The following TTC21B variants were observed in gnomAD, a reference collection of about 807,000 sequenced individuals.
The protein encoded by TTC21B is tetratricopeptide repeat protein 21B.
A neutral mutation model predicts 175.1 loss-of-function variants in TTC21B; 127 were observed. The ratio of observed to expected loss-of-function variants is 0.73; its 90% CI spans 0.63 to 0.84. The LOEUF is 0.84. Ranked by LOEUF, TTC21B falls within the 40% of genes least tolerant of loss-of-function variation. The probability of loss-of-function intolerance (pLI) is 0.00; values close to 1 mark genes in which losing one functional copy is unlikely to be tolerated. For missense variants in TTC21B, 1,561 were observed against 1,558.3 expected (o/e 1.00, Z -0.03); for synonymous variants, 524 against 524.5 (o/e 1.00, Z 0.01).
intron 19 of TTC21B, among the ~76,000 whole-genome samples, chr2:165,906,254 TAAAAAAAAAA>T (rs1163343694): frequency 2.7e-4 from 12 of 45,280 alleles, no homozygotes; most frequent in Admixed American, 2.1e-3. Context: ...TTCAAGAGGC[TAAAAAAAAAA>T]AAAAAAAAAA....
At chr2:165,874,911 G>A (rs1684615834) in intron 28 of TTC21B, 79 bp from the exon 29 acceptor site, 7 of 1,243,218 alleles carry the variant, frequency 5.6e-6, no homozygotes, top group Non-Finnish European at 8.2e-6. Flanking sequence ...TATAAGAAAT[G>A]AGCATTACAG....
intron 17 of TTC21B, among the ~76,000 whole-genome samples, chr2:165,911,999 A>C (rs1685968694): frequency 6.6e-6 from 1 of 152,124 alleles, no homozygotes; most frequent in African/African-American, 2.4e-5. Flanking sequence ...GTAGATAAAG[A>C]ACGGTACTTG....
intron 5 of TTC21B, among the ~76,000 whole-genome samples, chr2:165,942,707 T>C (rs1295216666): frequency 5.3e-5 from 8 of 152,194 alleles, no homozygotes; most frequent in Non-Finnish European, 7.3e-5. Flanking sequence ...CTCACCTCCA[T>C]AAATGTGTTT....
chr2:165,922,670 T>C (rs1686459405), intron 12 of TTC21B, among the ~76,000 whole-genome samples: 2 of 151,042 alleles, frequency 1.3e-5, no homozygotes, highest in Admixed American at 6.6e-5. Context: ...TGGAAAATAG[T>C]ATGAAGATTT....
chr2:165,953,372 C>T (rs1687819272), intron 1 of TTC21B, among the ~76,000 whole-genome samples: 1 of 152,214 alleles, frequency 6.6e-6, no homozygotes, highest in African/African-American at 2.4e-5. Flanking sequence ...CCCGGAGGCG[C>T]AGTGTCATAG....
At chr2:165,923,133 C>T (rs1376034194) in intron 12 of TTC21B, among the ~76,000 whole-genome samples, 2 of 152,036 alleles carry the variant, frequency 1.3e-5, no homozygotes, top group Non-Finnish European at 2.9e-5. Flanking sequence ...ATATTGGGTA[C>T]AATGCACACT....
At chr2:165,944,195 T>A (rs1687470526) in intron 4 of TTC21B, among the ~76,000 whole-genome samples, 1 of 152,168 alleles carries the variant, frequency 6.6e-6, no homozygotes, top group South Asian at 2.1e-4. Context: ...GAAAACCTCT[T>A]CTAAATTTTT....
chr2:165,929,041 C>T (rs369925315), intron 11 of TTC21B, 94 bp downstream of exon 11: 6 of 1,101,256 alleles, frequency 5.4e-6, no homozygotes, highest in East Asian at 5.0e-5. Flanking sequence ...TTTTAAGATG[C>T]CGATATAGTC....
chr2:165,902,926 G>A (rs1302892290), intron 19 of TTC21B, among the ~76,000 whole-genome samples: 1 of 152,100 alleles, frequency 6.6e-6, no homozygotes, highest in Non-Finnish European at 1.5e-5. Context: ...AAAGACCCTG[G>A]GGCCCATCCC....
chr2:165,931,972 T>C, intron 7 of TTC21B, 116 bp from the exon 8 acceptor site: 1 of 717,992 alleles, frequency 1.4e-6, no homozygotes, highest in South Asian at 1.6e-5. Flanking sequence ...ACCTTTGCTT[T>C]TATAAATTCC....
At chr2:165,901,349 C>T (rs35086610) in intron 20 of TTC21B, among the ~76,000 whole-genome samples, 10,795 of 151,772 alleles carry the variant, frequency 0.071, 492 homozygotes, top group Middle Eastern at 0.2. Context: ...GATGGAGTCC[C>T]GCTCTGTTGC....
At chr2:165,877,118 T>C (rs1156704867) in intron 27 of TTC21B, among the ~76,000 whole-genome samples, 4 of 152,134 alleles carry the variant, frequency 2.6e-5, no homozygotes, top group Non-Finnish European at 5.9e-5. Context: ...ACAAGAAAAG[T>C]AACAGCAGCT....
intron 27 of TTC21B, among the ~76,000 whole-genome samples, chr2:165,879,057 G>T (rs1368074239): frequency 6.6e-6 from 1 of 152,114 alleles, no homozygotes; most frequent in East Asian, 1.9e-4. Context: ...CACATTGAGG[G>T]TGTTAGATGC....
intron 11 of TTC21B, among the ~76,000 whole-genome samples, chr2:165,926,021 A>G (rs1686615273): frequency 6.6e-6 from 1 of 152,188 alleles, no homozygotes; most frequent in African/African-American, 2.4e-5. Context: ...AATCTTTAAG[A>G]TATCGTTTGT....
At chr2:165,943,032 G>A (rs1461152859) in intron 5 of TTC21B, among the ~76,000 whole-genome samples, 187 bp downstream of exon 5, 1 of 152,146 alleles carries the variant, frequency 6.6e-6, no homozygotes, top group Non-Finnish European at 1.5e-5. Flanking sequence ...AGGAACTCTG[G>A]CAGGGAATAC....
Position 165,890,967 on chromosome 2 carries a change from C to A in TTC21B, c.2972G>T (p.Arg991Leu). The change falls in exon 23 of 29, where the codon CGT becomes CTT. Residue 991 changes from arginine (R) to leucine (L), a missense_variant. By Grantham distance (102) the Arg-to-Leu change is moderately radical (BLOSUM62 -2). Coordinates refer to ENST00000243344, the MANE Select transcript of TTC21B (RefSeq NM_024753.5). ...ACATCTTCTTAGGAGATCAATCAAACGAGATAATGTCATATAATTATCTAG... is the reference window on the plus strand; with the variant it reads ...ACATCTTCTTAGGAGATCAATCAAAAGAGATAATGTCATATAATTATCTAG... ...RKPDNYMTLS[R>L]LIDLLRRCGK... is the part of the protein sequence containing the mutation. The A allele has an allele frequency of 6.2e-7, 1 of 1,612,530 alleles. No individual in the cohort carries two copies. Among genetic ancestry groups the A allele is most frequent in the Admixed American group, 1.7e-5 (1 of 59,954 alleles).
At chr2:165,896,896 T>C (rs944729756) in intron 22 of TTC21B, among the ~76,000 whole-genome samples, 1 of 152,196 alleles carries the variant, frequency 6.6e-6, no homozygotes, top group Non-Finnish European at 1.5e-5. Context: ...TGTTTGTTTG[T>C]TTGTTTTGTT....
chr2:165,945,468 A>G, intron 4 of TTC21B, 56 bp downstream of exon 4: 1 of 1,494,934 alleles, frequency 6.7e-7, no homozygotes, highest in Non-Finnish European at 9.2e-7. Flanking sequence ...TACTGGATAT[A>G]TCAATAACAT....
At chr2:165,880,883 A>G in intron 26 of TTC21B, 84 bp from the exon 27 acceptor site, 1 of 1,373,846 alleles carries the variant, frequency 7.3e-7, no homozygotes, top group Non-Finnish European at 1.0e-6. Flanking sequence ...GAGGTCAATC[A>G]TATCAACCCA....
Sources: allele counts gnomAD v4.1 joint callset (sites outside exome capture counted in the v4.1 genomes callset), GRCh38; gene constraint gnomAD v4.1.1; transcripts MANE v1.5; gene names NCBI Gene and HGNC (gene_info 2026-07-23, HGNC 2026-07-21).